ATP2B1: variants seen among roughly 807,000 people sequenced by gnomAD.
ATP2B1 encodes the protein plasma membrane calcium-transporting ATPase 1.
A neutral mutation model predicts 124.2 loss-of-function variants in ATP2B1; 14 were observed. The observed-to-expected ratio is 0.11, with a 90% CI of 0.07 to 0.18. The LOEUF (loss-of-function observed/expected upper bound fraction) is 0.18, where lower values mean the gene tolerates loss of function less well. Ranked by LOEUF, ATP2B1 falls within the 10% of genes least tolerant of loss-of-function variation. The pLI is 1.00. For synonymous variants in ATP2B1, 449 were observed against 492.4 expected (o/e 0.91, Z 1.17); for missense variants, 763 against 1,466.1 (o/e 0.52, Z 7.83).
At position 89,591,577 on chromosome 12, in the gene ATP2B1, T is replaced by A. The variant is rs186036481; in HGVS notation, c.3352-282A>T. On this transcript the variant is annotated intron_variant, in intron 20 of 20. Coordinates refer to ENST00000428670, the MANE Select transcript of ATP2B1 (RefSeq NM_001366521.1). ...AAATTTAATAGCCATTTTATAGGAT[T>A]TTTTCCCTAAAAGAACAAATCAAAC... 7.7e-3 allele frequency among the ~76,000 whole-genome samples: 1,166 copies of A among 152,166 alleles called. 7 individuals carry two copies. The highest frequency in any genetic ancestry group is 0.013 in the Non-Finnish European group (856 of 67,944).
intron 20 of ATP2B1, 118 bp downstream of exon 20, chr12:89,598,999 T>A: frequency 8.1e-7 from 1 of 1,235,192 alleles, no homozygotes; most frequent in Admixed American, 2.3e-5. Flanking sequence ...TTCAAGAGAA[T>A]ACAATTTGTG....
intron 1 of ATP2B1, among the ~76,000 whole-genome samples, chr12:89,675,276 G>A (rs1888468600): frequency 6.6e-6 from 1 of 152,132 alleles, no homozygotes; most frequent in South Asian, 2.1e-4. Context: ...ACCTCCATTT[G>A]TTCTAGCAAT....
At chr12:89,592,155 CA>C (rs1164112069) in intron 20 of ATP2B1, among the ~76,000 whole-genome samples, 2 of 151,946 alleles carry the variant, frequency 1.3e-5, no homozygotes, top group African/African-American at 4.8e-5. Context: ...AGTGGGCAAT[CA>C]AACTTAAAAA....
intron 1 of ATP2B1, among the ~76,000 whole-genome samples, chr12:89,692,456 T>G (rs1232828313): frequency 2.6e-5 from 4 of 152,198 alleles, no homozygotes; most frequent in African/African-American, 9.7e-5. Flanking sequence ...TCTGGTTTTC[T>G]CCCACATACT....
At chr12:89,659,223 T>G (rs1054900605) in intron 1 of ATP2B1, among the ~76,000 whole-genome samples, 6 of 152,160 alleles carry the variant, frequency 3.9e-5, no homozygotes, top group African/African-American at 1.4e-4. Context: ...GAAAAAATGT[T>G]AAGTGCAAGC....
At chr12:89,604,921 TA>T (rs952315462) in intron 15 of ATP2B1, among the ~76,000 whole-genome samples, 3 of 148,874 alleles carry the variant, frequency 2.0e-5, no homozygotes, top group Admixed American at 1.3e-4. Context: ...AAGGTAGGAA[TA>T]AAAAAAGGAA....
At chr12:89,592,509 C>CA (rs1321901672) in intron 20 of ATP2B1, among the ~76,000 whole-genome samples, 1 of 152,020 alleles carries the variant, frequency 6.6e-6, no homozygotes, top group Non-Finnish European at 1.5e-5. Flanking sequence ...ATCTCACCTT[C>CA]AAGTTGTCTT....
At position 89,588,760 on chromosome 12, in the gene ATP2B1, C is replaced by T. The variant is rs1326982137; in HGVS notation, c.*2224G>A. 1.3e-5 allele frequency: 2 copies of T among 152,572 alleles called. No individual in the cohort carries two copies. Among genetic ancestry groups the T allele is most frequent in the Non-Finnish European group, 2.9e-5 (2 of 68,020 alleles). The allele number at this position is 152,572 out of a possible 1,614,324, so 9.5% of individuals were successfully genotyped here. On this transcript the variant is annotated 3_prime_UTR_variant, in exon 21 of 21. Transcript: ENST00000428670. ...AAAGCTCAATACAAATCCTCCAAAGCACATGCACTTCTAAATCTTTTGGTA... is the reference window on the plus strand; with the variant it reads ...AAAGCTCAATACAAATCCTCCAAAGTACATGCACTTCTAAATCTTTTGGTA...
chr12:89,668,049 C>T (rs182535839), intron 1 of ATP2B1, among the ~76,000 whole-genome samples: 16 of 152,222 alleles, frequency 1.1e-4, no homozygotes, highest in Non-Finnish European at 2.1e-4. Context: ...TAAATTGAGG[C>T]AGAGTAGTGC....
In ATP2B1 at chr12:89,590,550, T is replaced by C. The variant is rs991274672; in HGVS notation, c.*434A>G. The C allele has an allele frequency of 5.7e-5, 9 of 157,926 alleles. No homozygotes were observed. Among genetic ancestry groups the C allele is most frequent in the Admixed American group, 5.5e-4 (9 of 16,420 alleles). The allele number at this position is 157,926 out of a possible 1,614,324, so 9.8% of individuals were successfully genotyped here. A position where few individuals can be genotyped will look rare whatever the true frequency, so the allele number is the denominator to read the frequency against. On this transcript the variant is annotated 3_prime_UTR_variant, in exon 21 of 21. Coordinates refer to ENST00000428670, the MANE Select transcript of ATP2B1 (RefSeq NM_001366521.1). Reference sequence around the variant, plus strand: ...AAACCTTGTAAACAGATCTGTATCATTTATAAACATAAATAATCCAAATTA... The same window carrying C: ...AAACCTTGTAAACAGATCTGTATCACTTATAAACATAAATAATCCAAATTA...
intron 20 of ATP2B1, among the ~76,000 whole-genome samples, chr12:89,597,982 C>T (rs138883780): frequency 2.2e-4 from 26 of 117,532 alleles, no homozygotes; most frequent in African/African-American, 8.5e-4. Flanking sequence ...CCATAAATAC[C>T]ACAGAAACTT....
intron 20 of ATP2B1, chr12:89,595,012 T>A (rs371220540): frequency 7.2e-5 from 11 of 152,186 alleles, no homozygotes; most frequent in African/African-American, 2.6e-4. Flanking sequence ...AGTTGGGTAC[T>A]TGCATATTAA....
At chr12:89,681,065 A>C (rs1419940133) in intron 1 of ATP2B1, among the ~76,000 whole-genome samples, 1 of 152,226 alleles carries the variant, frequency 6.6e-6, no homozygotes, top group Non-Finnish European at 1.5e-5. Flanking sequence ...ACTAAGAGCT[A>C]ATCTGGGAAG....
At chr12:89,597,731 C>T (rs1037038773) in intron 20 of ATP2B1, among the ~76,000 whole-genome samples, 32 of 152,090 alleles carry the variant, frequency 2.1e-4, no homozygotes, top group African/African-American at 7.5e-4. Flanking sequence ...ATTGAGAATG[C>T]GCCATGAATT....
intron 1 of ATP2B1, among the ~76,000 whole-genome samples, chr12:89,658,636 A>AGAGAGAGAGAGAGAGAGAGAGG (rs1204574119): frequency 6.6e-6 from 1 of 151,486 alleles, no homozygotes; most frequent in Admixed American, 6.6e-5. Flanking sequence ...AGAGAGAGAG[A>AGAGAGAGAGAGAGAGAGAGAGG]GAGAGAGAGA....
intron 1 of ATP2B1, among the ~76,000 whole-genome samples, chr12:89,658,641 G>GAGAGAGAGAGAGAGAT (rs1565882748): frequency 2.0e-5 from 3 of 150,336 alleles, no homozygotes; most frequent in South Asian, 4.3e-4. Flanking sequence ...GAGAGAGAGA[G>GAGAGAGAGAGAGAGAT]AGAGAGATAG....
At chr12:89,595,011 C>T (rs983449971) in intron 20 of ATP2B1, 15 of 152,016 alleles carry the variant, frequency 9.9e-5, no homozygotes, top group African/African-American at 3.6e-4. Flanking sequence ...AAGTTGGGTA[C>T]TTGCATATTA....
chr12:89,612,200 A>G (rs1311139770), intron 12 of ATP2B1: 1 of 152,158 alleles, frequency 6.6e-6, no homozygotes, highest in Non-Finnish European at 1.5e-5. Context: ...TTAAGCAGAA[A>G]TACACTTTCT....
rs1457710792 is a variant in ATP2B1 at position 89,678,017 on chromosome 12, CAT to C, written c.-221-21912_-221-21911del. Among the ~76,000 whole-genome samples, 288 of 137,574 alleles carry C rather than the reference CAT, an allele frequency of 2.1e-3. 4 individuals carry two copies. The highest frequency in any genetic ancestry group is 7.1e-3 in the African/African-American group (250 of 35,354). 90.3% of individuals were successfully genotyped at this position (137,574 alleles called of 152,430 possible). A position where few individuals can be genotyped will look rare whatever the true frequency, so the allele number is the denominator to read the frequency against. ...ACACACACACACACACACACACACA[CAT>C]ATACAGAATGGAGAAATCATTTAAA... On this transcript the variant is annotated intron_variant, in intron 1 of 20. Coordinates refer to ENST00000428670, the MANE Select transcript of ATP2B1 (RefSeq NM_001366521.1).
Sources: allele counts gnomAD v4.1 joint callset (sites outside exome capture counted in the v4.1 genomes callset), GRCh38; gene constraint gnomAD v4.1.1; transcripts MANE v1.5; gene names NCBI Gene and HGNC (gene_info 2026-07-23, HGNC 2026-07-21).